The following LMBRD1 variants were observed in gnomAD, a reference collection of about 807,000 sequenced individuals.
LMBRD1 encodes lysosomal cobalamin transport escort protein LMBD1.
Under a neutral mutation model 74.8 loss-of-function variants are expected in LMBRD1, and 64 were observed. That is an observed-to-expected ratio of 0.86 (90% CI 0.70 to 1.05). The LOEUF is 1.05. LMBRD1 is among the 50% of genes least tolerant of loss of function. LMBRD1 has a pLI of 0.00. For synonymous variants in LMBRD1, 204 were observed against 216.3 expected (o/e 0.94, Z 0.50); for missense variants, 652 against 645.9 (o/e 1.01, Z -0.10).
intron 1 of LMBRD1, among the ~76,000 whole-genome samples, chr6:69,793,931 G>A (rs989188140): frequency 1.3e-5 from 2 of 151,858 alleles, no homozygotes; most frequent in African/African-American, 4.8e-5. Flanking sequence ...ATGCTGCCCA[G>A]GCTGGTCTCA....
intron 14 of LMBRD1, among the ~76,000 whole-genome samples, chr6:69,684,826 A>G (rs936167443): frequency 6.6e-6 from 1 of 152,188 alleles, no homozygotes; most frequent in Admixed American, 6.5e-5. Flanking sequence ...TTTTCAGGTC[A>G]ATACAATGGG....
At chr6:69,697,446 G>A in intron 14 of LMBRD1, 117 bp downstream of exon 14, 1 of 746,786 alleles carries the variant, frequency 1.3e-6, no homozygotes, top group Non-Finnish European at 2.4e-6. Context: ...ACCTCTACTT[G>A]CTAAAAGTTT....
chr6:69,718,254 T>C (rs1463524665), intron 8 of LMBRD1, among the ~76,000 whole-genome samples: 1 of 152,096 alleles, frequency 6.6e-6, no homozygotes. Flanking sequence ...CTTATTCAAC[T>C]AGTAAATAAA....
intron 3 of LMBRD1, among the ~76,000 whole-genome samples, chr6:69,766,687 T>G (rs1459025640): frequency 6.6e-6 from 1 of 151,786 alleles, no homozygotes; most frequent in Non-Finnish European, 1.5e-5. Flanking sequence ...TCCTTCATCC[T>G]CTATTTCCTA....
intron 6 of LMBRD1, among the ~76,000 whole-genome samples, chr6:69,738,677 G>A (rs998701901): frequency 6.6e-6 from 1 of 151,680 alleles, no homozygotes; most frequent in Non-Finnish European, 1.5e-5. Flanking sequence ...CTAAAGGAAG[G>A]TCAAAGAGTG....
intron 6 of LMBRD1, 98 bp downstream of exon 6, chr6:69,741,691 G>T: frequency 1.3e-6 from 1 of 758,622 alleles, no homozygotes; most frequent in Non-Finnish European, 2.3e-6. Context: ...GCCCAGCTGG[G>T]GTTAAATTCT....
In LMBRD1 at chr6:69,752,358, T is replaced by C. The variant is rs1765177017; in HGVS notation, c.308-2A>G. 6.2e-7 allele frequency: 1 copy of C among 1,604,786 alleles called. No individual in the cohort carries two copies. Among genetic ancestry groups the C allele is most frequent in the Non-Finnish European group, 8.5e-7 (1 of 1,172,426 alleles). Reference sequence around the variant, plus strand: ...AGAACAATATAACAGAATATAAAGCTGTGGAAATAAATAATAAACCGAGCT... The same window carrying C: ...AGAACAATATAACAGAATATAAAGCCGTGGAAATAAATAATAAACCGAGCT... On this transcript the variant is annotated splice_acceptor_variant, in intron 3 of 15. Coordinates refer to ENST00000649934, the MANE Select transcript of LMBRD1 (RefSeq NM_018368.4). LOFTEE classifies it high-confidence loss of function.
chr6:69,778,510 C>T (rs917338475), intron 3 of LMBRD1, among the ~76,000 whole-genome samples: 1 of 152,150 alleles, frequency 6.6e-6, no homozygotes, highest in African/African-American at 2.4e-5. Flanking sequence ...AAGGATTAGT[C>T]CAATGGCCTC....
intron 13 of LMBRD1, 91 bp downstream of exon 13, chr6:69,698,952 A>C (rs1463206858): frequency 9.4e-6 from 8 of 854,544 alleles, no homozygotes; most frequent in Non-Finnish European, 1.5e-5. Flanking sequence ...ATGAGCTAAT[A>C]TCTTATGCTA....
At chr6:69,691,358 G>A (rs1562085400) in intron 14 of LMBRD1, among the ~76,000 whole-genome samples, 1 of 151,852 alleles carries the variant, frequency 6.6e-6, no homozygotes, top group Non-Finnish European at 1.5e-5. Context: ...AAACTAGCTA[G>A]ATGACCTTTC....
chr6:69,693,698 A>G (rs1765935803), intron 14 of LMBRD1, among the ~76,000 whole-genome samples: 1 of 151,982 alleles, frequency 6.6e-6, no homozygotes, highest in Non-Finnish European at 1.5e-5. Flanking sequence ...AGAATAGTGT[A>G]TACTGCTATA....
intron 9 of LMBRD1, among the ~76,000 whole-genome samples, chr6:69,702,286 GAC>G (rs56690836): frequency 0.36 from 54,101 of 149,276 alleles, 10,189 homozygotes; most frequent in East Asian, 0.54. Context: ...CTAACACACA[GAC>G]ACACACACAC....
At chr6:69,787,187 G>C (rs1200587881) in intron 2 of LMBRD1, among the ~76,000 whole-genome samples, 1 of 152,122 alleles carries the variant, frequency 6.6e-6, no homozygotes, top group African/African-American at 2.4e-5. Context: ...CCTGAATTCA[G>C]TAATAACTTT....
At chr6:69,754,118 G>A (rs1347437347) in intron 3 of LMBRD1, among the ~76,000 whole-genome samples, 2 of 150,418 alleles carry the variant, frequency 1.3e-5, no homozygotes, top group Non-Finnish European at 3.0e-5. Flanking sequence ...AAAGTAGGAC[G>A]GTGGTTGTCA....
At position 69,701,528 on chromosome 6, in the gene LMBRD1, T is replaced by A; in HGVS notation, c.998A>T (p.His333Leu). The A allele has an allele frequency of 6.2e-7, 1 of 1,600,754 alleles. No homozygotes were observed. Among genetic ancestry groups the A allele is most frequent in the Non-Finnish European group, 8.5e-7 (1 of 1,169,978 alleles). Residue 333 changes from histidine to leucine, a missense_variant, in exon 11 of 16, where the codon CAT (histidine) becomes CTT (leucine). Around this residue, in one of 3 missense-constraint regions of LMBRD1, gnomAD observed 598 missense variants for 581.8 expected, o/e 1.03. Coordinates refer to ENST00000649934, the MANE Select transcript of LMBRD1 (RefSeq NM_018368.4). ...LFLSNLDKAL[H>L]SAGIDSGFII... is the part of the protein sequence containing the mutation. ...GAAACCAGAATCTATTCCAGCTGAATGAAGAGCTTTATCTAAACTAAAAAA... is the reference window on the plus strand; with the variant it reads ...GAAACCAGAATCTATTCCAGCTGAAAGAAGAGCTTTATCTAAACTAAAAAA...
intron 9 of LMBRD1, among the ~76,000 whole-genome samples, chr6:69,704,445 ATC>A (rs1766204169): frequency 2.0e-5 from 3 of 152,028 alleles, no homozygotes; most frequent in Non-Finnish European, 4.4e-5. Flanking sequence ...ATTAGTTATC[ATC>A]TGTTATTATC....
chr6:69,721,003 G>T (rs1481532223), intron 7 of LMBRD1, among the ~76,000 whole-genome samples: 4 of 152,164 alleles, frequency 2.6e-5, no homozygotes, highest in Non-Finnish European at 5.9e-5. Flanking sequence ...TGACAATAGA[G>T]CCATACTGGG....
chr6:69,693,878 T>C (rs1388569200), intron 14 of LMBRD1, among the ~76,000 whole-genome samples: 1 of 152,020 alleles, frequency 6.6e-6, no homozygotes, highest in Non-Finnish European at 1.5e-5. Flanking sequence ...CTTCCTCTTC[T>C]AAGTATGTAC....
At chr6:69,700,374 T>C (rs1237220069) in intron 12 of LMBRD1, among the ~76,000 whole-genome samples, 3 of 151,864 alleles carry the variant, frequency 2.0e-5, no homozygotes, top group African/African-American at 7.2e-5. Context: ...AATGTGTTTC[T>C]ACTAAGAAAT....
Sources: allele counts gnomAD v4.1 joint callset (sites outside exome capture counted in the v4.1 genomes callset), GRCh38; gene constraint gnomAD v4.1.1; regional missense constraint gnomAD v4.1.1; transcripts MANE v1.5; gene names NCBI Gene and HGNC (gene_info 2026-07-23, HGNC 2026-07-21).